ADARB2: variants seen among roughly 807,000 people sequenced by gnomAD.
The protein encoded by ADARB2 is inactive double-stranded RNA-specific editase B2.
A neutral mutation model predicts 62.2 loss-of-function variants in ADARB2; 25 were observed. That is an observed-to-expected ratio of 0.40 (90% CI 0.29 to 0.56). ADARB2 has a LOEUF of 0.56. Among genes scored for constraint, ADARB2 ranks in the 20% least tolerant of loss-of-function variants. The probability of loss-of-function intolerance (pLI) is 0.43; values close to 1 mark genes in which losing one functional copy is unlikely to be tolerated. For missense variants in ADARB2, 1,071 were observed against 1,077.4 expected, an observed-to-expected ratio of 0.99 and a Z score of 0.08; for synonymous variants, 572 against 500.8, an observed-to-expected ratio of 1.14 and a Z score of -1.90.
intron 1 of ADARB2, among the ~76,000 whole-genome samples, chr10:1,727,570 A>G (rs976737433): frequency 1.3e-5 from 2 of 152,238 alleles, no homozygotes; most frequent in African/African-American, 4.8e-5. Context: ...AAGAATAGAA[A>G]TGTTCAAACT....
At chr10:1,525,603 C>T (rs1832130270) in intron 1 of ADARB2, among the ~76,000 whole-genome samples, 1 of 152,098 alleles carries the variant, frequency 6.6e-6, no homozygotes, top group African/African-American at 2.4e-5. Flanking sequence ...CATCTGTGTC[C>T]TGTTACCTCG....
chr10:1,386,217 T>C (rs1832523983), intron 1 of ADARB2, among the ~76,000 whole-genome samples: 1 of 151,604 alleles, frequency 6.6e-6, no homozygotes, highest in South Asian at 2.1e-4. Context: ...AATAGAATAC[T>C]AAAAAAGATT....
At chr10:1,462,199 A>C (rs1831183262) in intron 1 of ADARB2, among the ~76,000 whole-genome samples, 1 of 148,074 alleles carries the variant, frequency 6.8e-6, no homozygotes, top group Non-Finnish European at 1.5e-5. Flanking sequence ...AGCAACCCTC[A>C]GCCAGAGCCT....
Position 1,646,155 on chromosome 10 carries a change from G to A in ADARB2, c.100+90896C>T, listed in dbSNP as rs527622246. 3.3e-5 allele frequency among the ~76,000 whole-genome samples: 5 copies of A among 152,112 alleles called. 1 individual carries two copies. The highest frequency in any genetic ancestry group is 6.8e-3 in the Middle Eastern group (2 of 294). On this transcript the variant is annotated intron_variant, in intron 1 of 9. Coordinates refer to ENST00000381312, the MANE Select transcript of ADARB2 (RefSeq NM_018702.4). Reference sequence around the variant, plus strand: ...TTAGGGGCAGCTTAAAACCCCTGAGGGATTTCCATTAGGACACACCCAGGT... The same window carrying A: ...TTAGGGGCAGCTTAAAACCCCTGAGAGATTTCCATTAGGACACACCCAGGT...
chr10:1,273,791 G>A (rs1197871228), intron 3 of ADARB2, among the ~76,000 whole-genome samples: 5 of 152,198 alleles, frequency 3.3e-5, no homozygotes, highest in African/African-American at 1.2e-4. Context: ...GCTCCTGCAG[G>A]GCGTGTGCTG....
intron 1 of ADARB2, among the ~76,000 whole-genome samples, chr10:1,605,875 A>G (rs146874578): frequency 5.9e-5 from 9 of 152,232 alleles, no homozygotes; most frequent in Admixed American, 5.2e-4. Context: ...ATGAATGTCT[A>G]AAGTCAATGA....
intron 1 of ADARB2, among the ~76,000 whole-genome samples, chr10:1,436,693 G>A (rs1464130296): frequency 6.6e-6 from 1 of 152,252 alleles, no homozygotes; most frequent in South Asian, 2.1e-4. Context: ...TACCTTAACT[G>A]CCATTTCAAG....
chr10:1,688,344 G>C (rs1025637081), intron 1 of ADARB2, among the ~76,000 whole-genome samples: 1 of 152,212 alleles, frequency 6.6e-6, no homozygotes, highest in Non-Finnish European at 1.5e-5. Flanking sequence ...GGACATCCTC[G>C]TTGCTGCCCT....
chr10:1,371,436 C>G (rs1054315139), intron 2 of ADARB2, among the ~76,000 whole-genome samples: 1 of 152,036 alleles, frequency 6.6e-6, no homozygotes, highest in African/African-American at 2.4e-5. Context: ...CAGAAACAGA[C>G]AAAGTGGACT....
intron 1 of ADARB2, among the ~76,000 whole-genome samples, chr10:1,674,109 C>T (rs74108979): frequency 1.4e-4 from 22 of 152,386 alleles, no homozygotes; most frequent in African/African-American, 4.6e-4. Context: ...AAGGAGGCCA[C>T]TGGGAACGGC....
At chr10:1,582,691 A>AGTGCAATGCTACTAGTGCAAAT (rs964520570) in intron 1 of ADARB2, among the ~76,000 whole-genome samples, 3 of 152,104 alleles carry the variant, frequency 2.0e-5, no homozygotes, top group Non-Finnish European at 4.4e-5. Context: ...GCTCGACCCT[A>AGTGCAATGCTACTAGTGCAAAT]ACACTAGTGC....
At chr10:1,436,828 T>G (rs557940342) in intron 1 of ADARB2, among the ~76,000 whole-genome samples, 19 of 152,240 alleles carry the variant, frequency 1.2e-4, no homozygotes, top group Non-Finnish European at 2.4e-4. Flanking sequence ...ATATCCTCTT[T>G]CAAGGAGAAT....
chr10:1,446,778 T>C (rs1830976842), intron 1 of ADARB2, among the ~76,000 whole-genome samples: 1 of 152,326 alleles, frequency 6.6e-6, no homozygotes, highest in Admixed American at 6.5e-5. Context: ...TAGTGCTTGG[T>C]TCAGAGTGGA....
intron 7 of ADARB2, among the ~76,000 whole-genome samples, chr10:1,209,410 C>T (rs1837114398): frequency 1.9e-5 from 2 of 103,122 alleles, no homozygotes; most frequent in Non-Finnish European, 3.9e-5. Flanking sequence ...CTATCACCTA[C>T]AGCAACACCG....
intron 7 of ADARB2, among the ~76,000 whole-genome samples, chr10:1,211,671 G>A (rs571112001): frequency 1.1e-3 from 169 of 152,304 alleles, no homozygotes; most frequent in African/African-American, 3.8e-3. Flanking sequence ...AATTTCCATG[G>A]TGTAAGCACC....
In ADARB2 at chr10:1,734,416, A is replaced by G. The variant is rs117320280; in HGVS notation, c.100+2635T>C. 2.5e-3 allele frequency among the ~76,000 whole-genome samples: 386 copies of G among 151,850 alleles called. 17 individuals are homozygous for G. The East Asian group carries it at 0.067, about 26-fold the overall frequency. Reference sequence around the variant, plus strand: ...ACTATGGATTATACTTAATGAAAGTATTGTGTCCTGACCACCCTTCAGTGG... The same window carrying G: ...ACTATGGATTATACTTAATGAAAGTGTTGTGTCCTGACCACCCTTCAGTGG... On this transcript the variant is annotated intron_variant, in intron 1 of 9. Transcript: ENST00000381312.
intron 1 of ADARB2, among the ~76,000 whole-genome samples, chr10:1,484,627 G>A (rs1405354217): frequency 6.6e-6 from 1 of 152,224 alleles, no homozygotes; most frequent in Non-Finnish European, 1.5e-5. Flanking sequence ...TCTGGGAAAT[G>A]CTATGGCAGC....
intron 1 of ADARB2, among the ~76,000 whole-genome samples, chr10:1,569,848 G>A (rs1471416173): frequency 6.6e-6 from 1 of 152,068 alleles, no homozygotes; most frequent in Non-Finnish European, 1.5e-5. Flanking sequence ...AAGAATGGCA[G>A]CATTTGGCAC....
At chr10:1,453,464 C>G (rs1419005362) in intron 1 of ADARB2, among the ~76,000 whole-genome samples, 2 of 152,140 alleles carry the variant, frequency 1.3e-5, no homozygotes, top group East Asian at 3.8e-4. Context: ...GGTTTAACGT[C>G]ATTCCTTTGG....
Sources: allele counts gnomAD v4.1 joint callset (sites outside exome capture counted in the v4.1 genomes callset), GRCh38; gene constraint gnomAD v4.1.1; transcripts MANE v1.5; gene names NCBI Gene and HGNC (gene_info 2026-07-23, HGNC 2026-07-21).